Variants in PRRX1 observed in about 807,000 individuals in gnomAD.
The protein encoded by PRRX1 is paired mesoderm homeobox protein 1.
A neutral mutation model predicts 24.0 loss-of-function variants in PRRX1; 8 were observed. The observed-to-expected ratio is 0.33, with a 90% CI of 0.20 to 0.60. The LOEUF (loss-of-function observed/expected upper bound fraction) is 0.60, where lower values mean the gene tolerates loss of function less well. PRRX1 is among the 20% of genes least tolerant of loss of function. PRRX1 has a pLI of 0.82. For missense variants in PRRX1, 281 were observed against 322.4 expected (o/e 0.87, Z 0.98); for synonymous variants, 160 against 131.7 (o/e 1.22, Z -1.47).
rs1289974282 is a variant in PRRX1 at position 170,664,284 on chromosome 1, G to T, written c.66G>T (p.Pro22=). The part of the protein sequence containing the change: ...QPALGGRLDS[P]GNLDTLQAKK... ...CGCTGGGCGGCCGCTTGGACAGCCCGGGCAACCTCGACACCCTGCAGGCGA... is the reference window on the plus strand; with the variant it reads ...CGCTGGGCGGCCGCTTGGACAGCCCTGGCAACCTCGACACCCTGCAGGCGA... The change falls in exon 1 of 4, where the codon CCG becomes CCT. Residue 22 remains proline (P), a synonymous_variant. Transcript: ENST00000239461. 1 of 1,613,216 alleles carries T rather than the reference G, an allele frequency of 6.2e-7. No homozygotes were observed. Among genetic ancestry groups the T allele is most frequent in the South Asian group, 1.1e-5 (1 of 90,784 alleles).
intron 1 of PRRX1, among the ~76,000 whole-genome samples, chr1:170,699,344 C>A (rs1412293785): frequency 2.6e-5 from 4 of 151,806 alleles, no homozygotes; most frequent in Admixed American, 6.6e-5. Flanking sequence ...TTTTACAAAA[C>A]CCTTTCAGAG....
intron 1 of PRRX1, among the ~76,000 whole-genome samples, chr1:170,701,676 C>G (rs1328696742): frequency 6.6e-6 from 1 of 152,038 alleles, no homozygotes; most frequent in Non-Finnish European, 1.5e-5. Flanking sequence ...ACAAGTTTTA[C>G]AAATGTCCTA....
Position 170,736,390 on chromosome 1 carries a change from G to C in PRRX1, c.*204G>C, listed in dbSNP as rs1655604802. The C allele has an allele frequency of 1.5e-6, 1 of 648,834 alleles. No homozygotes were observed. The highest frequency in any genetic ancestry group is 2.9e-5 in the Admixed American group (1 of 34,614). 40.2% of individuals were successfully genotyped at this position (648,834 alleles called of 1,614,324 possible). Reference sequence around the variant, plus strand: ...GTTAACAAATGTTCCTCCTCCCTCTGGGATACCACCACCACTTGTTTCTGT... The same window carrying C: ...GTTAACAAATGTTCCTCCTCCCTCTCGGATACCACCACCACTTGTTTCTGT... On this transcript the variant is annotated 3_prime_UTR_variant, in exon 4 of 4. Transcript: ENST00000239461.
chr1:170,734,197 C>T (rs906315264), intron 3 of PRRX1, among the ~76,000 whole-genome samples: 2 of 150,024 alleles, frequency 1.3e-5, no homozygotes, highest in African/African-American at 4.9e-5. Context: ...AGGACCAGTT[C>T]CTATGAATAA....
intron 1 of PRRX1, among the ~76,000 whole-genome samples, chr1:170,666,755 A>T (rs545658318): frequency 6.6e-6 from 1 of 152,184 alleles, no homozygotes; most frequent in East Asian, 1.9e-4. Context: ...GGGAAGAGGG[A>T]TGAAAATTGT....
intron 1 of PRRX1, among the ~76,000 whole-genome samples, chr1:170,714,319 G>A (rs996940530): frequency 2.6e-5 from 4 of 152,136 alleles, no homozygotes; most frequent in African/African-American, 9.7e-5. Flanking sequence ...GTAAGTAGCT[G>A]TTGTGCAATA....
chr1:170,707,405 C>T (rs188512024), intron 1 of PRRX1, among the ~76,000 whole-genome samples: 78 of 151,818 alleles, frequency 5.1e-4, no homozygotes, highest in Non-Finnish European at 9.4e-4. Context: ...TCTTGTTGGC[C>T]AGATAAAAAA....
In PRRX1 at chr1:170,736,345, G is replaced by T. The variant is rs1422872651; in HGVS notation, c.*159G>T. On this transcript the variant is annotated 3_prime_UTR_variant, in exon 4 of 4. Transcript: ENST00000239461. ...GGGACCATGGCAGAGAAAAGCAGGAGAGGAGCAAAATGAAAATTAGTTAAC... is the reference window on the plus strand; with the variant it reads ...GGGACCATGGCAGAGAAAAGCAGGATAGGAGCAAAATGAAAATTAGTTAAC... The T allele has an allele frequency of 3.0e-6, 3 of 1,014,780 alleles. No individual in the cohort carries two copies. In the African/African-American group the frequency reaches 4.9e-5, roughly 17 times the overall value. 62.9% of individuals were successfully genotyped at this position (1,014,780 alleles called of 1,614,324 possible).
At chr1:170,682,815 TA>T (rs1653600398) in intron 1 of PRRX1, among the ~76,000 whole-genome samples, 1 of 152,194 alleles carries the variant, frequency 6.6e-6, no homozygotes, top group African/African-American at 2.4e-5. Context: ...TAGTAAGTTT[TA>T]TGAAAGAAAT....
intron 2 of PRRX1, 100 bp from the exon 3 acceptor site, chr1:170,726,120 A>C: frequency 8.6e-7 from 1 of 1,165,492 alleles, no homozygotes; most frequent in Non-Finnish European, 1.3e-6. Flanking sequence ...TTGGGAAGGC[A>C]TTATATAGTA....
intron 3 of PRRX1, 121 bp downstream of exon 3, chr1:170,726,522 T>C (rs1655262310): frequency 8.2e-7 from 1 of 1,221,808 alleles, no homozygotes. Flanking sequence ...TTCAGAGACA[T>C]TCAACTTGCT....
At chr1:170,713,485 G>A (rs1013446245) in intron 1 of PRRX1, among the ~76,000 whole-genome samples, 6 of 152,194 alleles carry the variant, frequency 3.9e-5, no homozygotes, top group African/African-American at 1.4e-4. Context: ...GTTCTATAGA[G>A]GTGAAAAGAA....
intron 1 of PRRX1, among the ~76,000 whole-genome samples, chr1:170,674,336 A>G (rs1445593475): frequency 6.6e-6 from 1 of 152,038 alleles, no homozygotes; most frequent in Non-Finnish European, 1.5e-5. Context: ...GTCTCCTTTC[A>G]TGTGCTCTGG....
intron 1 of PRRX1, 60 bp from the exon 2 acceptor site, chr1:170,719,666 G>A: frequency 1.9e-6 from 3 of 1,554,166 alleles, no homozygotes; most frequent in South Asian, 2.3e-5. Context: ...CCATAAAAAA[G>A]TCTTAACTGG....
intron 1 of PRRX1, among the ~76,000 whole-genome samples, chr1:170,696,773 T>C (rs999506029): frequency 1.3e-5 from 2 of 152,182 alleles, no homozygotes; most frequent in African/African-American, 4.8e-5. Context: ...AGTAAAGTTC[T>C]CACAGAGAAA....
intron 1 of PRRX1, among the ~76,000 whole-genome samples, chr1:170,667,032 G>A (rs1297907354): frequency 3.3e-5 from 5 of 152,066 alleles, no homozygotes; most frequent in Non-Finnish European, 7.4e-5. Flanking sequence ...CATCCCGGGC[G>A]GAATTGGGGA....
chr1:170,710,127 G>A (rs1654698803), intron 1 of PRRX1, among the ~76,000 whole-genome samples: 1 of 151,974 alleles, frequency 6.6e-6, no homozygotes. Flanking sequence ...CTTTCCTCAG[G>A]CCTGGTAATT....
intron 1 of PRRX1, among the ~76,000 whole-genome samples, chr1:170,690,099 T>C (rs1653887982): frequency 6.7e-6 from 1 of 149,364 alleles, no homozygotes. Context: ...CATTTCACTG[T>C]ATATAAGATC....
intron 2 of PRRX1, among the ~76,000 whole-genome samples, chr1:170,724,120 C>G (rs1441912490): frequency 1.3e-5 from 2 of 152,142 alleles, no homozygotes; most frequent in African/African-American, 2.4e-5. Context: ...CGTTTGCCCA[C>G]TTTTTCATGG....
Sources: gnomAD v4.1 joint callset for allele counts (sites outside exome capture counted in the v4.1 genomes callset) on GRCh38, gnomAD v4.1.1 for gene constraint, MANE v1.5 for transcripts, NCBI Gene and HGNC (gene_info 2026-07-23, HGNC 2026-07-21) for gene names.